The following VPS37A variants were observed in gnomAD, a reference collection of about 807,000 sequenced individuals.
VPS37A encodes the protein VPS37A subunit of ESCRT-I, also known as vacuolar protein sorting-associated protein 37A.
Under a neutral mutation model 49.8 loss-of-function variants are expected in VPS37A, and 30 were observed. That is an observed-to-expected ratio of 0.60 (90% CI 0.45 to 0.82). The LOEUF is 0.82. Among genes scored for constraint, VPS37A ranks in the 40% least tolerant of loss-of-function variants. The pLI, the probability that VPS37A is intolerant of heterozygous loss-of-function variation, is 0.00. For synonymous variants in VPS37A, 195 were observed against 160.6 expected, an observed-to-expected ratio of 1.21 and a Z score of -1.62; for missense variants, 593 against 464.4, an observed-to-expected ratio of 1.28 and a Z score of -2.55.
At chr8:17,321,593 G>A in the VPS37A span, among the ~76,000 whole-genome samples, 1 of 152,170 alleles carries the variant, frequency 6.6e-6, no homozygotes, top group East Asian at 1.9e-4. Context: ...ATTAGCGCCT[G>A]GATTTTTAAA....
chr8:17,313,396 C>A, the VPS37A span: 1 of 1,605,932 alleles, frequency 6.2e-7, no homozygotes. Context: ...GATTTAAGTT[C>A]ACACACTGCA....
intron 4 of VPS37A, chr8:17,271,952 G>C (rs930493934): frequency 2.2e-6 from 1 of 455,770 alleles, no homozygotes; most frequent in African/African-American, 2.0e-5. Context: ...TTCATATTTA[G>C]CAGTTCTTTA....
At chr8:17,299,687 C>G, downstream of VPS37A, 1 of 770,706 alleles carries the variant, frequency 1.3e-6, no homozygotes, top group Non-Finnish European at 2.0e-6. Context: ...ATGACTACGT[C>G]CTCTTCAGTA....
At chr8:17,258,394 A>C (rs1179806646) in intron 1 of VPS37A, among the ~76,000 whole-genome samples, 4 of 152,174 alleles carry the variant, frequency 2.6e-5, no homozygotes, top group Non-Finnish European at 4.4e-5. Flanking sequence ...CTGTTGAAAC[A>C]ATCATTTGTT....
the VPS37A span, among the ~76,000 whole-genome samples, chr8:17,326,981 G>A: frequency 5.3e-5 from 8 of 152,342 alleles, no homozygotes; most frequent in African/African-American, 1.9e-4. Context: ...CCTTGGTAAT[G>A]CAGTGACCAT....
At position 17,247,344 on chromosome 8, in the gene VPS37A, G is replaced by C. The variant is rs1305753236; in HGVS notation, c.100G>C (p.Glu34Gln). 1.3e-6 allele frequency: 2 copies of C among 1,528,502 alleles called. No homozygotes were observed. The highest frequency in any genetic ancestry group is 1.2e-5 in the South Asian group (1 of 83,982). 94.7% of individuals were successfully genotyped at this position (1,528,502 alleles called of 1,614,324 possible). ...CCAGCAGCAGAAGCAGCGCCTGATC[G>C]AGTCCCTCCGGAACTCACACTCCAG... ...SLQQQKQRLI[E>Q]SLRNSHSSIA... The change falls in exon 1 of 12, where the codon GAG becomes CAG. Residue 34 changes from glutamate (E) to glutamine (Q), a missense_variant. By Grantham distance (29) the Glu-to-Gln change is conservative (BLOSUM62 2). Coordinates refer to ENST00000324849, the MANE Select transcript of VPS37A (RefSeq NM_152415.3).
At chr8:17,312,060 A>AT in the VPS37A span, among the ~76,000 whole-genome samples, 1 of 152,364 alleles carries the variant, frequency 6.6e-6, no homozygotes, top group Non-Finnish European at 1.5e-5. Flanking sequence ...TATAAATAAA[A>AT]GGTAAGCGTC....
At chr8:17,313,203 A>G in the VPS37A span, 38 of 906,608 alleles carry the variant, frequency 4.2e-5, no homozygotes, top group Non-Finnish European at 4.8e-5. Context: ...GCAGCTTAAG[A>G]CAGGGAAGCC....
At chr8:17,318,299 T>C in the VPS37A span, among the ~76,000 whole-genome samples, 2 of 152,002 alleles carry the variant, frequency 1.3e-5, no homozygotes, top group Admixed American at 6.6e-5. Flanking sequence ...AAATGCTGCT[T>C]AGGAGCAGCG....
chr8:17,302,913 G>C (rs145647045), downstream of VPS37A, among the ~76,000 whole-genome samples: 6 of 151,916 alleles, frequency 3.9e-5, no homozygotes, highest in East Asian at 1.2e-3. Context: ...GTTTCACCAT[G>C]TTGGTCAGGT....
the VPS37A span, among the ~76,000 whole-genome samples, chr8:17,322,093 C>T: frequency 6.6e-6 from 1 of 151,394 alleles, no homozygotes; most frequent in Non-Finnish European, 1.5e-5. Flanking sequence ...ACATATACAG[C>T]CCTCCCTTGA....
At chr8:17,268,711 C>A in intron 3 of VPS37A, 145 bp from the exon 4 acceptor site, 2 of 644,988 alleles carry the variant, frequency 3.1e-6, no homozygotes, top group South Asian at 3.8e-5. Context: ...TAAGAAAATG[C>A]TATAACTTGT....
the VPS37A span, chr8:17,313,427 G>C: frequency 6.9e-7 from 1 of 1,451,718 alleles, no homozygotes; most frequent in Non-Finnish European, 9.6e-7. Flanking sequence ...TGTTATAAAA[G>C]CAAAATTAAG....
At chr8:17,272,877 A>T (rs1464056102) in intron 4 of VPS37A, among the ~76,000 whole-genome samples, 1 of 151,440 alleles carries the variant, frequency 6.6e-6, no homozygotes, top group Non-Finnish European at 1.5e-5. Context: ...TTGCAGCTTA[A>T]TTTTTTTTCC....
At chr8:17,302,979 G>T (rs1001088378), downstream of VPS37A, among the ~76,000 whole-genome samples, 6 of 151,944 alleles carry the variant, frequency 3.9e-5, no homozygotes, top group Non-Finnish European at 8.8e-5. Flanking sequence ...CCAAAGTGCT[G>T]GGATTATAGG....
intron 1 of VPS37A, among the ~76,000 whole-genome samples, chr8:17,258,057 T>G (rs1044731995): frequency 1.3e-5 from 2 of 152,152 alleles, no homozygotes; most frequent in African/African-American, 4.8e-5. Flanking sequence ...TGGTGGGGTC[T>G]TTAGGTTTTT....
At chr8:17,273,338 G>A (rs1814190089) in intron 4 of VPS37A, among the ~76,000 whole-genome samples, 1 of 152,026 alleles carries the variant, frequency 6.6e-6, no homozygotes, top group Non-Finnish European at 1.5e-5. Flanking sequence ...TTGTAGTTTT[G>A]ACAAATGCTG....
intron 1 of VPS37A, among the ~76,000 whole-genome samples, chr8:17,250,943 C>G (rs1232036098): frequency 6.6e-6 from 1 of 152,202 alleles, no homozygotes; most frequent in Admixed American, 6.5e-5. Context: ...GTAATATGTT[C>G]TCTCTTCTAA....
chr8:17,268,237 C>T (rs748734340), intron 2 of VPS37A, 21 bp from the exon 3 acceptor site: 17 of 1,525,690 alleles, frequency 1.1e-5, no homozygotes, highest in African/African-American at 2.8e-5. Flanking sequence ...TTTTGTTTTT[C>T]ATCTGTTCTA....
Sources: allele counts gnomAD v4.1 joint callset (sites outside exome capture counted in the v4.1 genomes callset), GRCh38; gene constraint gnomAD v4.1.1; transcripts MANE v1.5; gene names NCBI Gene and HGNC (gene_info 2026-07-23, HGNC 2026-07-21).